ITGAE: variants seen among roughly 807,000 people sequenced by gnomAD.
ITGAE encodes integrin alpha-E.
Under a neutral mutation model 136.5 loss-of-function variants are expected in ITGAE, and 99 were observed. The ratio of observed to expected loss-of-function variants is 0.73; its 90% confidence interval spans 0.62 to 0.86. ITGAE has a LOEUF of 0.86. Among genes scored for constraint, ITGAE ranks in the 40% least tolerant of loss-of-function variants. The probability of loss-of-function intolerance (pLI) is 0.00; values close to 1 mark genes in which losing one functional copy is unlikely to be tolerated. For missense variants in ITGAE, 1,447 were observed against 1,515.3 expected (o/e 0.95, Z 0.75); for synonymous variants, 613 against 591.8 (o/e 1.04, Z -0.52).
chr17:3,771,627 G>A (rs2018194), intron 2 of ITGAE, among the ~76,000 whole-genome samples: 21,061 of 144,868 alleles, frequency 0.15, 1,906 homozygotes, highest in African/African-American at 0.25. Context: ...TGTAACCTCC[G>A]CCTCCCGGGT....
chr17:3,727,005 C>T (rs536634777), intron 26 of ITGAE, among the ~76,000 whole-genome samples: 1 of 152,092 alleles, frequency 6.6e-6, no homozygotes, highest in South Asian at 2.1e-4. Context: ...TGGGTGATTA[C>T]AGGAGTGAGC....
chr17:3,753,713 A>C, intron 13 of ITGAE, 70 bp downstream of exon 13: 1 of 1,581,784 alleles, frequency 6.3e-7, no homozygotes, highest in Admixed American at 1.7e-5. Context: ...CGTGGGACCC[A>C]CTCCTTTCCC....
intron 26 of ITGAE, chr17:3,726,140 A>G (rs1246805480): frequency 1.2e-6 from 2 of 1,614,126 alleles, no homozygotes; most frequent in Non-Finnish European, 1.7e-6. Context: ...GCTGGGGTGA[A>G]TATCACCCTT....
At position 3,753,655 on chromosome 17, in the gene ITGAE, C is replaced by T. The variant is rs1164585703; in HGVS notation, c.1527+128G>A. On this transcript the variant is annotated intron_variant, in intron 13 of 30. Coordinates refer to ENST00000263087, the MANE Select transcript of ITGAE (RefSeq NM_002208.5). The stretch of plus-strand genomic sequence containing the variant: ...GCTGAAGCAGAGCCCTCGAGCTCCA[C>T]TCAGGAGCCTGAGTTTCACCCAGCC... 3.9e-6 allele frequency: 5 copies of T among 1,281,530 alleles called. No homozygotes were observed. The East Asian group carries it at 1.3e-4, about 32-fold the overall frequency. 79.4% of individuals were successfully genotyped at this position (1,281,530 alleles called of 1,614,324 possible). A position where few individuals can be genotyped will look rare whatever the true frequency, so the allele number is the denominator to read the frequency against.
At chr17:3,724,554 C>G in intron 26 of ITGAE, 1 of 1,614,190 alleles carries the variant, frequency 6.2e-7, no homozygotes, top group Non-Finnish European at 8.5e-7. Flanking sequence ...CGGCCTCCAC[C>G]TCCCAGAAGT....
chr17:3,776,958 T>C (rs368634618), intron 2 of ITGAE, among the ~76,000 whole-genome samples: 1 of 149,090 alleles, frequency 6.7e-6, no homozygotes, highest in African/African-American at 2.5e-5. Flanking sequence ...TATTTTAAAA[T>C]TGTCTTTTTT....
At chr17:3,780,676 G>A (rs1044985560) in intron 1 of ITGAE, among the ~76,000 whole-genome samples, 4 of 151,796 alleles carry the variant, frequency 2.6e-5, no homozygotes, top group Non-Finnish European at 5.9e-5. Flanking sequence ...CAGATGATCC[G>A]CCCGCCTCAG....
chr17:3,796,585 G>A (rs555974904), intron 1 of ITGAE, among the ~76,000 whole-genome samples: 1 of 152,180 alleles, frequency 6.6e-6, no homozygotes, highest in African/African-American at 2.4e-5. Flanking sequence ...GGCGAGGGCT[G>A]GCCCTCCCTC....
intron 18 of ITGAE, among the ~76,000 whole-genome samples, chr17:3,744,009 C>CTTT (rs566973351): frequency 1.4e-5 from 2 of 139,370 alleles, no homozygotes; most frequent in African/African-American, 5.2e-5. Context: ...GGCCTCTTTT[C>CTTT]TTTTTTTTTT....
intron 15 of ITGAE, 23 bp downstream of exon 15, chr17:3,751,618 GAGGAGAGGA>G (rs769307149): frequency 4.4e-6 from 7 of 1,589,136 alleles, no homozygotes; most frequent in Admixed American, 1.7e-5. Flanking sequence ...CAGAGCCCCA[GAGGAGAGGA>G]AGGAGAGGGC....
At chr17:3,751,290 G>T (rs529526541) in intron 15 of ITGAE, among the ~76,000 whole-genome samples, 1 of 150,572 alleles carries the variant, frequency 6.6e-6, no homozygotes, top group Non-Finnish European at 1.5e-5. Context: ...AGGCGCGGAG[G>T]TGCTGGGTGG....
chr17:3,719,523 A>G (rs1186097699), intron 29 of ITGAE, among the ~76,000 whole-genome samples: 1 of 152,222 alleles, frequency 6.6e-6, no homozygotes, highest in African/African-American at 2.4e-5. Context: ...CAAAGCATTC[A>G]GTCCACAAAT....
intron 28 of ITGAE, chr17:3,722,622 G>A (rs905330785): frequency 6.5e-5 from 10 of 152,824 alleles, no homozygotes; most frequent in African/African-American, 2.4e-4. Flanking sequence ...CTGTACTGGC[G>A]AGCTAGAAGA....
intron 23 of ITGAE, 183 bp from the exon 24 acceptor site, chr17:3,729,738 G>A: frequency 1.8e-6 from 1 of 551,306 alleles, no homozygotes; most frequent in Non-Finnish European, 3.4e-6. Context: ...GGAATTACAG[G>A]CGTGAGCCAC....
chr17:3,765,014 G>A lies in ITGAE; in HGVS notation c.156-1054C>T, dbSNP rs147927519. On this transcript the variant is annotated intron_variant, in intron 2 of 30. Transcript: ENST00000263087. ...GCAGAGGGCAGTAGAAGTCATGGAG[G>A]ACTTTATAAAGGGGAAGCACATGAT... is the stretch of plus-strand genomic sequence containing the variant. Among the ~76,000 whole-genome samples, 749 of 152,168 alleles carry A rather than the reference G, an allele frequency of 4.9e-3. 8 individuals are homozygous for A. The highest frequency in any genetic ancestry group is 0.017 in the African/African-American group (722 of 41,526).
chr17:3,729,631 G>A, intron 23 of ITGAE, 76 bp from the exon 24 acceptor site: 3 of 978,990 alleles, frequency 3.1e-6, no homozygotes, highest in Non-Finnish European at 3.3e-6. Context: ...GCTTCGCTCT[G>A]TTGCCCAGGC....
chr17:3,726,051 A>G lies in ITGAE; in HGVS notation c.3084+1868T>C, dbSNP rs56134695. 479 of 1,614,042 alleles carry G rather than the reference A, an allele frequency of 3.0e-4. No individual in the cohort carries two copies. The highest frequency in any genetic ancestry group is 3.8e-4 in the Non-Finnish European group (445 of 1,180,030). On this transcript the variant is annotated intron_variant, in intron 26 of 30. Transcript: ENST00000263087. The stretch of plus-strand genomic sequence containing the variant: ...GATTGTGGTTTTCTGTGACGTTTCC[A>G]TGGATGAGGACCTGTTTACCGGTGA...
intron 23 of ITGAE, 135 bp downstream of exon 23, chr17:3,730,969 T>C: frequency 1.6e-6 from 1 of 623,160 alleles, no homozygotes. Flanking sequence ...GGGAAACAGA[T>C]GCCTTCTGTG....
At chr17:3,784,076 C>T (rs111418299) in intron 1 of ITGAE, among the ~76,000 whole-genome samples, 15,855 of 151,934 alleles carry the variant, frequency 0.1, 1,055 homozygotes, top group East Asian at 0.18. Context: ...CTGGCTAACA[C>T]GGTGAAACCC....
Sources: allele counts gnomAD v4.1 joint callset (sites outside exome capture counted in the v4.1 genomes callset), GRCh38; gene constraint gnomAD v4.1.1; transcripts MANE v1.5; gene names NCBI Gene and HGNC (gene_info 2026-07-23, HGNC 2026-07-21).